Variants in ADAMTSL3 observed in about 807,000 individuals in gnomAD.
ADAMTSL3 encodes ADAMTS like 3, also known as ADAMTS-like protein 3.
Under a neutral mutation model 201.7 loss-of-function variants are expected in ADAMTSL3, and 128 were observed. The ratio of observed to expected loss-of-function variants is 0.63; its 90% CI spans 0.55 to 0.73. ADAMTSL3 has a LOEUF of 0.73. Among genes scored for constraint, ADAMTSL3 ranks in the 30% least tolerant of loss-of-function variants. The pLI is 0.00. For synonymous variants in ADAMTSL3, 738 were observed against 748.4 expected (o/e 0.99, Z 0.23); for missense variants, 1,990 against 2,119.6 (o/e 0.94, Z 1.20).
chr15:83,933,657 C>T (rs2066404339), intron 17 of ADAMTSL3, among the ~76,000 whole-genome samples: 1 of 152,158 alleles, frequency 6.6e-6, no homozygotes, highest in Non-Finnish European at 1.5e-5. Flanking sequence ...CTCCAGGGCA[C>T]GTCAGTGGTT....
chr15:84,007,209 G>A (rs1342436421), intron 23 of ADAMTSL3, among the ~76,000 whole-genome samples: 1 of 152,170 alleles, frequency 6.6e-6, no homozygotes. Flanking sequence ...GGCCATCTTG[G>A]TTGTTTTCAT....
intron 6 of ADAMTSL3, among the ~76,000 whole-genome samples, chr15:83,824,117 C>T (rs2063964214): frequency 6.6e-6 from 1 of 151,458 alleles, no homozygotes; most frequent in Admixed American, 6.6e-5. Context: ...GATCATGCCT[C>T]ATTGCAGACT....
chr15:84,014,659 C>A lies in ADAMTSL3; in HGVS notation c.4091C>A (p.Thr1364Asn), dbSNP rs531745638. 2 of 1,611,780 alleles carry A rather than the reference C, an allele frequency of 1.2e-6. No individual in the cohort carries two copies. Among genetic ancestry groups the A allele is most frequent in the African/African-American group, 1.3e-5 (1 of 74,816 alleles). Residue 1364 changes from threonine to asparagine, a missense_variant, in exon 24 of 30, where the codon ACC becomes AAC. Physicochemically the swap from Thr to Asn is moderately conservative, Grantham distance 65 (BLOSUM62 0). Transcript: ENST00000286744. The part of the protein sequence containing the change: ...LQNVSLENEG[T>N]YVCIATNALG... Reference sequence around the variant, plus strand: ...AATGTTTCCCTTGAAAATGAAGGAACCTACGTCTGCATAGCCACCAATGCT... The same window carrying A: ...AATGTTTCCCTTGAAAATGAAGGAAACTACGTCTGCATAGCCACCAATGCT...
At chr15:83,665,056 A>G (rs948980487) in intron 2 of ADAMTSL3, among the ~76,000 whole-genome samples, 3 of 152,178 alleles carry the variant, frequency 2.0e-5, no homozygotes, top group Non-Finnish European at 4.4e-5. Flanking sequence ...TCAGCAAAAC[A>G]TAATTGGGAG....
At chr15:83,913,416 TG>T in intron 16 of ADAMTSL3, 38 bp downstream of exon 16, 1 of 1,592,670 alleles carries the variant, frequency 6.3e-7, no homozygotes, top group Non-Finnish European at 8.6e-7. Flanking sequence ...TTATGTTGTG[TG>T]TTGCTAGTGG....
At chr15:83,840,051 A>C (rs1249732269) in intron 7 of ADAMTSL3, among the ~76,000 whole-genome samples, 2 of 152,248 alleles carry the variant, frequency 1.3e-5, no homozygotes, top group Non-Finnish European at 2.9e-5. Flanking sequence ...TTATAAATGT[A>C]GGTGAGTTCC....
intron 7 of ADAMTSL3, 152 bp from the exon 8 acceptor site, chr15:83,858,614 C>A (rs1302931507): frequency 5.4e-6 from 3 of 558,616 alleles, no homozygotes; most frequent in Non-Finnish European, 9.3e-6. Context: ...CTCAAGTGAT[C>A]TGCCTGCCTT....
intron 20 of ADAMTSL3, among the ~76,000 whole-genome samples, chr15:83,977,764 G>A (rs913613527): frequency 6.6e-5 from 10 of 152,198 alleles, no homozygotes; most frequent in African/African-American, 2.4e-4. Flanking sequence ...GTGGTGTTGG[G>A]AGCAGAAGCC....
At chr15:83,746,603 C>T (rs1309325707) in intron 3 of ADAMTSL3, among the ~76,000 whole-genome samples, 1 of 152,032 alleles carries the variant, frequency 6.6e-6, no homozygotes, top group Non-Finnish European at 1.5e-5. Flanking sequence ...AACTGGGAAC[C>T]TTTTGGGTAA....
At chr15:83,666,559 C>T (rs923993280) in intron 2 of ADAMTSL3, among the ~76,000 whole-genome samples, 2 of 152,102 alleles carry the variant, frequency 1.3e-5, no homozygotes, top group South Asian at 2.1e-4. Context: ...AATAACAGGA[C>T]TGGGCACAAT....
intron 7 of ADAMTSL3, among the ~76,000 whole-genome samples, chr15:83,858,458 C>T (rs1042759738): frequency 6.6e-6 from 1 of 152,130 alleles, no homozygotes; most frequent in Non-Finnish European, 1.5e-5. Context: ...CTGCAGACTC[C>T]ATCTCCTGGG....
intron 6 of ADAMTSL3, among the ~76,000 whole-genome samples, chr15:83,822,696 T>G (rs1215784317): frequency 6.7e-6 from 1 of 148,420 alleles, no homozygotes; most frequent in African/African-American, 2.5e-5. Flanking sequence ...GCAGAGACGC[T>G]CCTCACTTTC....
In ADAMTSL3 at chr15:83,708,503, G is replaced by C. The variant is rs557641109; in HGVS notation, c.189+3995G>C. ...CACATTATGGATCATACGGAGGGCC[G>C]CGGCAGCTTCTAGTGAAGAAAGTGG... On this transcript the variant is annotated intron_variant, in intron 3 of 29. Transcript: ENST00000286744. Among the ~76,000 whole-genome samples, 3 of 152,146 alleles carry C rather than the reference G, an allele frequency of 2.0e-5. No homozygotes were observed. In the East Asian group the frequency reaches 5.8e-4, roughly 29 times the overall value.
chr15:83,695,754 T>G (rs1195132628), intron 2 of ADAMTSL3, among the ~76,000 whole-genome samples: 2 of 152,172 alleles, frequency 1.3e-5, no homozygotes, highest in African/African-American at 2.4e-5. Flanking sequence ...TCCCTTCCAA[T>G]CCTGCCAAAG....
At chr15:83,720,900 A>G (rs1435087407) in intron 3 of ADAMTSL3, among the ~76,000 whole-genome samples, 1 of 152,238 alleles carries the variant, frequency 6.6e-6, no homozygotes. Context: ...AAAATGTTTT[A>G]AAGCATATTT....
intron 4 of ADAMTSL3, among the ~76,000 whole-genome samples, chr15:83,789,000 G>C (rs1287541851): frequency 6.6e-6 from 1 of 151,978 alleles, no homozygotes; most frequent in Non-Finnish European, 1.5e-5. Context: ...TAGTAGAGAT[G>C]GGGTTTCACC....
intron 2 of ADAMTSL3, among the ~76,000 whole-genome samples, chr15:83,659,791 AG>A (rs1453681989): frequency 6.6e-6 from 1 of 152,208 alleles, no homozygotes; most frequent in Non-Finnish European, 1.5e-5. Flanking sequence ...CAGAGGTAGT[AG>A]AAGATGCTAC....
chr15:83,726,835 G>T (rs2562761), intron 3 of ADAMTSL3, among the ~76,000 whole-genome samples: 30,403 of 151,464 alleles, frequency 0.2, 3,983 homozygotes, highest in Middle Eastern at 0.36. Flanking sequence ...TTAATCAGGG[G>T]TATTGGCCTG....
At chr15:83,856,971 G>A (rs1468211373) in intron 7 of ADAMTSL3, among the ~76,000 whole-genome samples, 1 of 151,888 alleles carries the variant, frequency 6.6e-6, no homozygotes, top group Non-Finnish European at 1.5e-5. Flanking sequence ...ACCAATACTT[G>A]TTATTTTCTG....
Sources: allele counts gnomAD v4.1 joint callset (sites outside exome capture counted in the v4.1 genomes callset), GRCh38; gene constraint gnomAD v4.1.1; transcripts MANE v1.5; gene names NCBI Gene and HGNC (gene_info 2026-07-23, HGNC 2026-07-21).